ARHGAP12: variants seen among roughly 807,000 people sequenced by gnomAD.
ARHGAP12 encodes the protein rho GTPase-activating protein 12.
ARHGAP12 carries 64 observed loss-of-function variants against 108.6 expected under a neutral mutation model. The ratio of observed to expected loss-of-function variants is 0.59; its 90% CI spans 0.48 to 0.73. ARHGAP12 has a LOEUF of 0.73. Ranked by LOEUF, ARHGAP12 falls within the 30% of genes least tolerant of loss-of-function variation. ARHGAP12 has a pLI of 0.00. For synonymous variants in ARHGAP12, 312 were observed against 337.2 expected, an observed-to-expected ratio of 0.93 and a Z score of 0.82; for missense variants, 940 against 1,005.9, an observed-to-expected ratio of 0.93 and a Z score of 0.89.
At chr10:31,849,298 C>T (rs1433244117) in intron 6 of ARHGAP12, among the ~76,000 whole-genome samples, 2 of 152,092 alleles carry the variant, frequency 1.3e-5, no homozygotes, top group Non-Finnish European at 2.9e-5. Flanking sequence ...ACACCTAACC[C>T]AGAGTGTTTG....
At chr10:31,819,076 TTATC>T (rs1340793553) in intron 12 of ARHGAP12, among the ~76,000 whole-genome samples, 1 of 151,942 alleles carries the variant, frequency 6.6e-6, no homozygotes, top group Non-Finnish European at 1.5e-5. Context: ...AAAATTGTAA[TTATC>T]TAATGAGAGA....
chr10:31,824,845 CTT>C, intron 11 of ARHGAP12, among the ~76,000 whole-genome samples: 2 of 152,198 alleles, frequency 1.3e-5, no homozygotes, highest in South Asian at 4.2e-4. Flanking sequence ...TTATTAATCT[CTT>C]ATTGCTTCTC....
chr10:31,889,180 G>T (rs1471096241), intron 3 of ARHGAP12, among the ~76,000 whole-genome samples: 1 of 152,208 alleles, frequency 6.6e-6, no homozygotes, highest in East Asian at 1.9e-4. Flanking sequence ...CCAAAGTGCA[G>T]CGATTACAGA....
intron 1 of ARHGAP12, chr10:31,913,866 A>G (rs1466248767): frequency 3.3e-5 from 5 of 152,942 alleles, no homozygotes; most frequent in African/African-American, 1.2e-4. Flanking sequence ...TACAGTTAAT[A>G]CACTACCAAA....
At chr10:31,878,764 T>A (rs1837829224) in intron 3 of ARHGAP12, among the ~76,000 whole-genome samples, 1 of 152,216 alleles carries the variant, frequency 6.6e-6, no homozygotes, top group Non-Finnish European at 1.5e-5. Flanking sequence ...AGAGACCACA[T>A]GGCTCACAAA....
rs754215565 is a variant in ARHGAP12 at position 31,826,295 on chromosome 10, A to C, written c.1530+9T>G. 1 of 1,600,164 alleles carries C rather than the reference A, an allele frequency of 6.2e-7. No homozygotes were observed. Among genetic ancestry groups the C allele is most frequent in the Admixed American group, 1.7e-5 (1 of 58,572 alleles). ...ATGTATAAAATCTCCAAAGAGAAGAAATACTTACCCAACTTGTGCTACTTC... is the reference window on the plus strand; with the variant it reads ...ATGTATAAAATCTCCAAAGAGAAGACATACTTACCCAACTTGTGCTACTTC... On this transcript the variant is annotated intron_variant, in intron 11 of 19. Coordinates refer to ENST00000344936, the MANE Select transcript of ARHGAP12 (RefSeq NM_018287.7).
Position 31,879,798 on chromosome 10 carries a change from A to AC in ARHGAP12, c.685-18141dup, listed in dbSNP as rs918456605. ...TTCCATAACTAATACCATCAGTGCT[A>AC]CACTAGTAGAATCCTATTGGGATAT... On this transcript the variant is annotated intron_variant, in intron 3 of 19. Coordinates refer to ENST00000344936, the MANE Select transcript of ARHGAP12 (RefSeq NM_018287.7). Among the ~76,000 whole-genome samples the AC allele has an allele frequency of 1.3e-3, 198 of 152,380 alleles. 1 individual carries two copies. Among genetic ancestry groups the AC allele is most frequent in the African/African-American group, 4.6e-3 (192 of 41,592 alleles).
rs1029594043 is a variant in ARHGAP12 at position 31,806,387 on chromosome 10, G to T, written c.*1271C>A. The T allele has an allele frequency of 1.3e-5, 2 of 152,512 alleles. No homozygotes were observed. The highest frequency in any genetic ancestry group is 4.8e-5 in the African/African-American group (2 of 41,426). The allele number at this position is 152,512 out of a possible 1,614,324, so 9.4% of individuals were successfully genotyped here. On this transcript the variant is annotated 3_prime_UTR_variant, in exon 20 of 20. Transcript: ENST00000344936. ...AAATACATTTTAAAAATCTTCAACA[G>T]ACCATGCTCCCTGTAACAAAACCTT...
At chr10:31,821,870 T>C (rs1488640417) in intron 11 of ARHGAP12, among the ~76,000 whole-genome samples, 1 of 152,178 alleles carries the variant, frequency 6.6e-6, no homozygotes, top group African/African-American at 2.4e-5. Flanking sequence ...AACATAAAGC[T>C]ATATGTTGGG....
At chr10:31,837,570 T>TAGGATTTAC (rs1836076621) in intron 9 of ARHGAP12, among the ~76,000 whole-genome samples, 1 of 152,130 alleles carries the variant, frequency 6.6e-6, no homozygotes, top group South Asian at 2.1e-4. Context: ...GAAGGGTCCA[T>TAGGATTTAC]CTTGATGGAG....
intron 4 of ARHGAP12, among the ~76,000 whole-genome samples, chr10:31,857,844 T>A (rs1174465783): frequency 6.6e-6 from 1 of 152,176 alleles, no homozygotes; most frequent in African/African-American, 2.4e-5. Flanking sequence ...AAAGTAAAAG[T>A]AAAATAAATT....
intron 3 of ARHGAP12, among the ~76,000 whole-genome samples, chr10:31,874,795 G>A (rs1293416846): frequency 6.6e-6 from 1 of 151,650 alleles, no homozygotes; most frequent in Admixed American, 6.6e-5. Flanking sequence ...CCAACATGGT[G>A]AACCCTCATC....
At chr10:31,859,255 A>AG (rs1195139309) in intron 4 of ARHGAP12, among the ~76,000 whole-genome samples, 1 of 152,226 alleles carries the variant, frequency 6.6e-6, no homozygotes, top group East Asian at 1.9e-4. Context: ...TACCGTGTAT[A>AG]GGCAAGAGAC....
rs77156588 is a variant in ARHGAP12, at chr10:31,814,323, C to T, written c.1770G>A (p.Pro590=). ...CATGCTTTTCTATTCCTGGTGAATC[C>T]GGTATCTCCTCTTCAATTCCTTCAT... is the stretch of plus-strand genomic sequence containing the variant. ...ETDEGIEEEI[P]DSPGIEKHDK... The change falls in exon 14 of 20, where the codon CCG becomes CCA. Residue 590 remains proline, a synonymous_variant. Coordinates refer to ENST00000344936, the MANE Select transcript of ARHGAP12 (RefSeq NM_018287.7). The T allele has an allele frequency of 3.9e-4, 633 of 1,613,988 alleles. 1 individual carries two copies. In the African/African-American group the frequency reaches 7.4e-3, roughly 19 times the overall value.
intron 4 of ARHGAP12, among the ~76,000 whole-genome samples, chr10:31,859,817 T>C (rs921863810): frequency 4.6e-5 from 7 of 150,632 alleles, no homozygotes; most frequent in African/African-American, 1.5e-4. Flanking sequence ...TTTTTTGAGA[T>C]AGAGTCTCAC....
In ARHGAP12 at chr10:31,876,365, A is replaced by G. The variant is rs114223777; in HGVS notation, c.685-14707T>C. Among the ~76,000 whole-genome samples the G allele has an allele frequency of 8.2e-3, 1,250 of 152,252 alleles. 12 individuals carry two copies. The highest frequency in any genetic ancestry group is 0.028 in the African/African-American group (1,174 of 41,542). On this transcript the variant is annotated intron_variant, in intron 3 of 19. Transcript: ENST00000344936. ...AAACCCCATCTCTACTAAAATATTT[A>G]AAAATTAGCTGGGTGTGGTGGCACA...
At chr10:31,917,687 ATC>A (rs1056188945) in intron 1 of ARHGAP12, among the ~76,000 whole-genome samples, 1 of 152,246 alleles carries the variant, frequency 6.6e-6, no homozygotes, top group Non-Finnish European at 1.5e-5. Flanking sequence ...AGGCAAATAC[ATC>A]TGTTAGTGCA....
chr10:31,825,108 G>A (rs947818217), intron 11 of ARHGAP12, among the ~76,000 whole-genome samples: 2 of 152,090 alleles, frequency 1.3e-5, no homozygotes. Flanking sequence ...TAAAAGATTA[G>A]TAAAACAAAA....
intron 3 of ARHGAP12, among the ~76,000 whole-genome samples, chr10:31,874,557 T>C (rs1323691140): frequency 6.6e-6 from 1 of 152,176 alleles, no homozygotes; most frequent in African/African-American, 2.4e-5. Context: ...AAGTAGATGA[T>C]TTTCCATCAC....
Sources: allele counts gnomAD v4.1 joint callset (sites outside exome capture counted in the v4.1 genomes callset), GRCh38; gene constraint gnomAD v4.1.1; transcripts MANE v1.5; gene names NCBI Gene and HGNC (gene_info 2026-07-23, HGNC 2026-07-21).